The following SNAP47 variants were observed in gnomAD, a reference collection of about 807,000 sequenced individuals.
SNAP47 encodes the protein synaptosomal-associated protein 47.
SNAP47 carries 20 observed loss-of-function variants against 31.4 expected under a neutral mutation model. The ratio of observed to expected loss-of-function variants is 0.64; its 90% CI spans 0.45 to 0.93. SNAP47 has a LOEUF of 0.93. Among genes scored for constraint, SNAP47 ranks in the 40% least tolerant of loss-of-function variants. SNAP47 has a pLI of 0.00. For synonymous variants in SNAP47, 194 were observed against 213.4 expected, an observed-to-expected ratio of 0.91 and a Z score of 0.79; for missense variants, 492 against 528.5, an observed-to-expected ratio of 0.93 and a Z score of 0.68.
chr1:227,732,767 G>T, upstream of SNAP47: 1 of 1,590,522 alleles, frequency 6.3e-7, no homozygotes, highest in Admixed American at 1.7e-5. Flanking sequence ...CAAGGACGAA[G>T]AAGGGACCAT....
At chr1:227,777,109 T>TTA (rs111409186) in intron 4 of SNAP47, 876 of 836,176 alleles carry the variant, frequency 1.0e-3, no homozygotes, top group Middle Eastern at 1.8e-3. Context: ...ATGTCTTTTT[T>TTA]AAAAAAAAAA....
At chr1:227,754,316 CTG>C (rs1662561732) in intron 2 of SNAP47, among the ~76,000 whole-genome samples, 2 of 152,208 alleles carry the variant, frequency 1.3e-5, no homozygotes, top group South Asian at 4.1e-4. Context: ...GTCTGGCCAC[CTG>C]TGTGTCTGCC....
chr1:227,735,171 C>A, upstream of SNAP47: 1 of 1,580,732 alleles, frequency 6.3e-7, no homozygotes, highest in East Asian at 2.3e-5. Flanking sequence ...GCGCCCGGCT[C>A]CGAGACGAAG....
intron 4 of SNAP47, among the ~76,000 whole-genome samples, chr1:227,771,184 A>G (rs1302476435): frequency 1.3e-5 from 2 of 152,132 alleles, no homozygotes; most frequent in Non-Finnish European, 2.9e-5. Context: ...CAGGCTGTTC[A>G]TGTCAAGTGT....
At chr1:227,769,055 G>C (rs943482689) in intron 4 of SNAP47, among the ~76,000 whole-genome samples, 6 of 152,234 alleles carry the variant, frequency 3.9e-5, no homozygotes, top group Admixed American at 2.0e-4. Flanking sequence ...CGTGTGGCGT[G>C]TTCTTCACCT....
chr1:227,734,016 C>T (rs145452398), upstream of SNAP47: 268 of 1,613,486 alleles, frequency 1.7e-4, no homozygotes, highest in African/African-American at 3.4e-3. Context: ...GTGAAAACGT[C>T]CTCCACCGGA....
In SNAP47 at chr1:227,775,868, AG is replaced by A. The variant is rs867241029; in HGVS notation, c.1114-4658del. 7.4e-5 allele frequency: 96 copies of A among 1,303,876 alleles called. No individual in the cohort carries two copies. The African/African-American group carries it at 1.4e-3, about 19-fold the overall frequency. 80.8% of individuals were successfully genotyped at this position (1,303,876 alleles called of 1,614,324 possible). A position where few individuals can be genotyped will look rare whatever the true frequency, so the allele number is the denominator to read the frequency against. Reference sequence around the variant, plus strand: ...GAGTCTGCAGGAGCTTTGTGGAGACAGAGACTTTCCTAGCAGGGCAGCAAGC... The same window carrying A: ...GAGTCTGCAGGAGCTTTGTGGAGACAAGACTTTCCTAGCAGGGCAGCAAGC... On this transcript the variant is annotated intron_variant, in intron 4 of 4. Transcript: ENST00000617596.
chr1:227,748,335 C>A, intron 2 of SNAP47, 102 bp downstream of exon 2: 1 of 1,282,838 alleles, frequency 7.8e-7, no homozygotes, highest in Non-Finnish European at 1.1e-6. Context: ...TATTTGCACA[C>A]ATCCAGCATT....
At chr1:227,761,624 A>G (rs1369684102) in intron 3 of SNAP47, among the ~76,000 whole-genome samples, 1 of 152,216 alleles carries the variant, frequency 6.6e-6, no homozygotes, top group Non-Finnish European at 1.5e-5. Context: ...CCCACATTCA[A>G]GGTAAATGGT....
chr1:227,779,114 A>T (rs993809535), intron 4 of SNAP47, among the ~76,000 whole-genome samples: 2 of 152,052 alleles, frequency 1.3e-5, no homozygotes, highest in African/African-American at 4.8e-5. Flanking sequence ...GGCTGGGCCC[A>T]TTCCGGTTTT....
At position 227,772,164 on chromosome 1, in the gene SNAP47, T is replaced by A. The variant is rs186090051; in HGVS notation, c.1113+5081T>A. On this transcript the variant is annotated intron_variant, in intron 4 of 4. Transcript: ENST00000617596. ...TGGCTGTGGAAGGTAATACGTGTTA[T>A]AGCAGTGGGGAGTTTCTCATTATTC... Among the ~76,000 whole-genome samples the A allele has an allele frequency of 4.0e-3, 616 of 152,328 alleles. 7 individuals are homozygous for A. The highest frequency in any genetic ancestry group is 0.014 in the African/African-American group (592 of 41,576).
chr1:227,777,018 C>A (rs1483785160), intron 4 of SNAP47: 1 of 985,206 alleles, frequency 1.0e-6, no homozygotes, highest in Non-Finnish European at 1.2e-6. Flanking sequence ...TATTACTGTG[C>A]TTAATAGGCA....
intron 4 of SNAP47, among the ~76,000 whole-genome samples, chr1:227,772,509 C>T (rs538556318): frequency 6.6e-6 from 1 of 152,292 alleles, no homozygotes; most frequent in South Asian, 2.1e-4. Flanking sequence ...GATGTACGAG[C>T]TGTTTCCTCC....
chr1:227,765,057 T>G (rs12127819), intron 3 of SNAP47, among the ~76,000 whole-genome samples: 31,980 of 148,900 alleles, frequency 0.21, 3,494 homozygotes, highest in Non-Finnish European at 0.23. Flanking sequence ...AGTTGTTGTT[T>G]TTTAAAGCCC....
rs1426350020 is a variant in SNAP47, at chr1:227,741,681, C to T, written c.-45-6011C>T. 4.6e-5 allele frequency among the ~76,000 whole-genome samples: 7 copies of T among 152,084 alleles called. No homozygotes were observed. The highest frequency in any genetic ancestry group is 9.7e-5 in the African/African-American group (4 of 41,388). On this transcript the variant is annotated intron_variant, in intron 1 of 4. Transcript: ENST00000617596. This position sits in a 1 kb window ranked among gnomAD's most constrained non-coding sequence, Gnocchi z 4.2. ...TGGCCTTGGAGGTGAAAAGGGACCA[C>T]GTTCTCCTGTGGCCTCTGTGTGGGG...
chr1:227,765,484 A>G (rs1663335423), intron 3 of SNAP47, among the ~76,000 whole-genome samples: 1 of 152,220 alleles, frequency 6.6e-6, no homozygotes, highest in African/African-American at 2.4e-5. Context: ...GAGCAGCTTC[A>G]TGTGAGGGCC....
chr1:227,763,674 C>G lies in SNAP47; in HGVS notation c.989-3285C>G, dbSNP rs896369649. ...GCCGCTCAGCCCCCACCTGCGCGTG[C>G]GTATTGGTTGAGTGGGAGATGGAGC... is the stretch of plus-strand genomic sequence containing the variant. On this transcript the variant is annotated intron_variant, in intron 3 of 4. Coordinates refer to ENST00000617596, the MANE Select transcript of SNAP47 (RefSeq NM_053052.4). The surrounding 1 kb of genome is among the most constrained non-coding windows in gnomAD (Gnocchi z 4.2). Among the ~76,000 whole-genome samples the G allele has an allele frequency of 6.6e-6, 1 of 152,168 alleles. No homozygotes were observed. Among genetic ancestry groups the G allele is most frequent in the African/African-American group, 2.4e-5 (1 of 41,446 alleles).
chr1:227,737,201 C>T (rs1212858801), intron 1 of SNAP47, among the ~76,000 whole-genome samples: 3 of 152,170 alleles, frequency 2.0e-5, no homozygotes, highest in Non-Finnish European at 4.4e-5. Context: ...CAAAGCTACC[C>T]ACATGGATGC....
In SNAP47 at chr1:227,747,711, C is replaced by T; in HGVS notation, c.-26C>T. ...CTTCAGAGGCAGAAGAGGCCTGGAC[C>T]TTGGCGCACACAGACCCAGGAACAG... On this transcript the variant is annotated 5_prime_UTR_variant, in exon 2 of 5. Coordinates refer to ENST00000617596, the MANE Select transcript of SNAP47 (RefSeq NM_053052.4). The T allele has an allele frequency of 6.2e-7, 1 of 1,603,442 alleles. No individual in the cohort carries two copies. The highest frequency in any genetic ancestry group is 1.1e-5 in the South Asian group (1 of 90,440).
Sources: gnomAD v4.1 joint callset for allele counts (sites outside exome capture counted in the v4.1 genomes callset) on GRCh38, gnomAD v4.1.1 for gene constraint, Gnocchi (gnomAD v3.1) non-coding constraint, MANE v1.5 for transcripts, NCBI Gene and HGNC (gene_info 2026-07-23, HGNC 2026-07-21) for gene names.